Variants in ECI1 observed in about 807,000 individuals in gnomAD.
ECI1 encodes enoyl-CoA delta isomerase 1.
In ECI1, 34 loss-of-function variants were observed where a neutral mutation model predicts 34.2. The ratio of observed to expected loss-of-function variants is 1.00; its 90% CI spans 0.76 to 1.33. The LOEUF (loss-of-function observed/expected upper bound fraction) is 1.33, where lower values mean the gene tolerates loss of function less well. ECI1 is among the 40% of genes most tolerant of loss of function. ECI1 has a pLI of 0.00. For synonymous variants in ECI1, 211 were observed against 193.0 expected, an observed-to-expected ratio of 1.09 and a Z score of -0.77; for missense variants, 456 against 422.2, an observed-to-expected ratio of 1.08 and a Z score of -0.70.
At chr16:2,250,261 C>CAAA (rs560687371) in intron 2 of ECI1, among the ~76,000 whole-genome samples, 8 of 67,628 alleles carry the variant, frequency 1.2e-4, no homozygotes, top group East Asian at 1.0e-3. Flanking sequence ...ACTACATCTC[C>CAAA]AAAAAAAAAA....
intron 3 of ECI1, among the ~76,000 whole-genome samples, chr16:2,245,911 G>C (rs1212322203): frequency 6.6e-6 from 1 of 152,130 alleles, no homozygotes; most frequent in Admixed American, 6.5e-5. Context: ...GTTGTAGTAA[G>C]CCAAGATCAC....
Position 2,244,532 on chromosome 16 carries a change from C to G in ECI1, c.315G>C (p.Ser105=). Residue 105 remains serine, a synonymous_variant, in exon 4 of 7, where the codon TCG becomes TCC. Coordinates refer to ENST00000301729, the MANE Select transcript of ECI1 (RefSeq NM_001919.4). The stretch of plus-strand genomic sequence containing the variant: ...ACATCTCCGTCAGGTCCAGGCCGGC[C>G]GAGAAGACACCCGGGCGGTCCTGCA... The part of the protein sequence containing the change: ...ILTSDRPGVF[S]AGLDLTEMCG... 1 of 1,591,950 alleles carries G rather than the reference C, an allele frequency of 6.3e-7. No individual in the cohort carries two copies. The highest frequency in any genetic ancestry group is 1.3e-5 in the African/African-American group (1 of 74,638).
Position 2,247,606 on chromosome 16 carries a change from C to G in ECI1, c.167-620G>C, listed in dbSNP as rs1415364082. The stretch of plus-strand genomic sequence containing the variant: ...GGGACGGGGTTTTCTCCATGCTGGT[C>G]AGGCTGGTCTTGAACTCCCAACCTC... On this transcript the variant is annotated intron_variant, in intron 2 of 6. Coordinates refer to ENST00000301729, the MANE Select transcript of ECI1 (RefSeq NM_001919.4). 4.6e-5 allele frequency among the ~76,000 whole-genome samples: 7 copies of G among 152,060 alleles called. No homozygotes were observed. The East Asian group carries it at 1.4e-3, about 29-fold the overall frequency.
chr16:2,251,446 G>C lies in ECI1; in HGVS notation c.53-17C>G. ...GCCGGGCCCCTGCGAAGGCAGCGTGGGGGAGCCCGTTAGTTCCCGGTCCTG... is the reference window on the plus strand; with the variant it reads ...GCCGGGCCCCTGCGAAGGCAGCGTGCGGGAGCCCGTTAGTTCCCGGTCCTG... On this transcript the variant is annotated splice_polypyrimidine_tract_variant and intron_variant, in intron 1 of 6. Coordinates refer to ENST00000301729, the MANE Select transcript of ECI1 (RefSeq NM_001919.4). 1 of 1,499,986 alleles carries C rather than the reference G, an allele frequency of 6.7e-7. No individual in the cohort carries two copies. The highest frequency in any genetic ancestry group is 8.9e-7 in the Non-Finnish European group (1 of 1,126,202). The allele number at this position is 1,499,986 out of a possible 1,614,324, so 92.9% of individuals were successfully genotyped here.
rs753200847 is a variant in ECI1 at position 2,243,232 on chromosome 16, T to C, written c.564-8A>G. The C allele has an allele frequency of 1.2e-6, 2 of 1,612,690 alleles. No individual in the cohort carries two copies. The highest frequency in any genetic ancestry group is 1.7e-4 in the Middle Eastern group (1 of 6,052). ...TCCAGGGTGTCTTTCAACCTGGAAA[T>C]GCAGACACCCACTCACCACATGGCC... On this transcript the variant is annotated splice_region_variant and splice_polypyrimidine_tract_variant and intron_variant, in intron 5 of 6. Transcript: ENST00000301729.
chr16:2,250,622 G>C (rs1308443147), intron 2 of ECI1, among the ~76,000 whole-genome samples: 2 of 152,226 alleles, frequency 1.3e-5, no homozygotes, highest in African/African-American at 4.8e-5. Context: ...TGGAGGGAGC[G>C]CACAGGCTTC....
At position 2,239,913 on chromosome 16, in the gene ECI1, C is replaced by T. The variant is rs2141492476; in HGVS notation, c.*66G>A. The T allele has an allele frequency of 2.6e-6, 4 of 1,531,764 alleles. No homozygotes were observed. Among genetic ancestry groups the T allele is most frequent in the Admixed American group, 1.7e-5 (1 of 59,846 alleles). 94.9% of individuals were successfully genotyped at this position (1,531,764 alleles called of 1,614,324 possible). ...GCAGTACTTTTAAGTTGAAAAATAC[C>T]TTGTTTAAGACCTCCCTGGGACCCA... On this transcript the variant is annotated 3_prime_UTR_variant, in exon 7 of 7. Coordinates refer to ENST00000301729, the MANE Select transcript of ECI1 (RefSeq NM_001919.4).
At position 2,251,514 on chromosome 16, in the gene ECI1, C is replaced by T. The variant is rs1344023367; in HGVS notation, c.52+1G>A. The T allele has an allele frequency of 5.1e-6, 8 of 1,559,562 alleles. No homozygotes were observed. Among genetic ancestry groups the T allele is most frequent in the Non-Finnish European group, 5.2e-6 (6 of 1,153,742 alleles). ...ATCCCTGCCCACCCCGGGTTTCGCA[C>T]CCGCGCGGAGCAGAACGCGCGCCGG... is the stretch of plus-strand genomic sequence containing the variant. On this transcript the variant is annotated splice_donor_variant, in intron 1 of 6. Transcript: ENST00000301729. LOFTEE classifies it high-confidence loss of function.
chr16:2,244,182 T>C, intron 4 of ECI1: 1 of 601,526 alleles, frequency 1.7e-6, no homozygotes, highest in South Asian at 1.9e-5. Context: ...CACTGGCTCT[T>C]TTCTGGGTCT....
At chr16:2,241,475 T>C (rs937302402) in intron 6 of ECI1, among the ~76,000 whole-genome samples, 2 of 152,050 alleles carry the variant, frequency 1.3e-5, no homozygotes, top group Non-Finnish European at 2.9e-5. Flanking sequence ...TTTTGTATTT[T>C]TAGTAGAGAC....
In ECI1 at chr16:2,240,588, C is replaced by T. The variant is rs1596782592; in HGVS notation, c.743-443G>A. On this transcript the variant is annotated intron_variant, in intron 6 of 6. Coordinates refer to ENST00000301729, the MANE Select transcript of ECI1 (RefSeq NM_001919.4). ...GCCCATACTGGAGTGCACTAGTGAT[C>T]ACGACTCACTGCAGCCTTGAATCCC... 1.5e-5 allele frequency: 3 copies of T among 203,048 alleles called. No homozygotes were observed. In the East Asian group the frequency reaches 3.6e-4, roughly 24 times the overall value. 12.6% of individuals were successfully genotyped at this position (203,048 alleles called of 1,614,324 possible).
In ECI1 at chr16:2,240,021, G is replaced by A; in HGVS notation, c.867C>T (p.Ser289=). The change falls in exon 7 of 7, where the codon TCC becomes TCT. Residue 289 remains serine, a synonymous_variant. Coordinates refer to ENST00000301729, the MANE Select transcript of ECI1 (RefSeq NM_001919.4). ...TGAGCCTCTCTAAGTACATCTGCAG[G>A]GACTTCTGGATGGAGTCTTTGGAGA... The part of the protein sequence containing the change: ...SFISKDSIQK[S]LQMYLERLKE... 1 of 1,613,966 alleles carries A rather than the reference G, an allele frequency of 6.2e-7. No individual in the cohort carries two copies. The highest frequency in any genetic ancestry group is 1.7e-5 in the Admixed American group (1 of 60,018).
At position 2,243,120 on chromosome 16, in the gene ECI1, A is replaced by G; in HGVS notation, c.668T>C (p.Val223Ala). 1 of 1,606,336 alleles carries G rather than the reference A, an allele frequency of 6.2e-7. No homozygotes were observed. The change falls in exon 6 of 7, where the codon GTG (valine) becomes GCG (alanine). Residue 223 changes from valine (V) to alanine (A), a missense_variant. Physicochemically the swap from Val to Ala is moderately conservative, Grantham distance 64. Coordinates refer to ENST00000301729, the MANE Select transcript of ECI1 (RefSeq NM_001919.4). ...CTGCTCCTCCGGGACCACCTGGTCC[A>G]CTATGCCCACCTGCAGGGCCTCCGC... ...PPAEALQVGI[V>A]DQVVPEEQVQ...
At chr16:2,245,032 C>G (rs1038731783) in intron 3 of ECI1, among the ~76,000 whole-genome samples, 2 of 152,142 alleles carry the variant, frequency 1.3e-5, no homozygotes, top group Non-Finnish European at 2.9e-5. Flanking sequence ...CAGCAGCTAC[C>G]AAGGAAGGGC....
rs777908966 is a variant in ECI1 at position 2,251,516 on chromosome 16, C to T, written c.51G>A (p.Ala17=). 48 of 1,559,586 alleles carry T rather than the reference C, an allele frequency of 3.1e-5. No homozygotes were observed. Among genetic ancestry groups the T allele is most frequent in the South Asian group, 2.2e-4 (19 of 84,640 alleles). ...CCCTGCCCACCCCGGGTTTCGCACC[C>T]GCGCGGAGCAGAACGCGCGCCGGGA... ...VRVPARVLLR[A]GARLPGAALG... The change falls in exon 1 of 7, where the codon GCG becomes GCA. Residue 17 remains alanine, a splice_region_variant and synonymous_variant. Transcript: ENST00000301729.
At position 2,239,988 on chromosome 16, in the gene ECI1, T is replaced by C. The variant is rs2141492646; in HGVS notation, c.900A>G (p.Glu300=). 6.2e-7 allele frequency: 1 copy of C among 1,613,700 alleles called. No homozygotes were observed. The highest frequency in any genetic ancestry group is 8.5e-7 in the Non-Finnish European group (1 of 1,179,946). Residue 300 remains glutamate, a synonymous_variant, in exon 7 of 7, where the codon GAA becomes GAG. Transcript: ENST00000301729. The part of the protein sequence containing the change: ...LQMYLERLKE[E]KG ...TGTGGCAGCCCAATCGTTAGCCTTT[T>C]TCTTCTTTGAGCCTCTCTAAGTACA... is the stretch of plus-strand genomic sequence containing the variant.
At chr16:2,240,253 C>G (rs1349163807) in intron 6 of ECI1, 108 bp from the exon 7 acceptor site, 6 of 1,296,246 alleles carry the variant, frequency 4.6e-6, no homozygotes, top group Non-Finnish European at 1.1e-6. Flanking sequence ...GCTCTGTCGC[C>G]CAGGCTGGAG....
intron 6 of ECI1, 134 bp from the exon 7 acceptor site, chr16:2,240,279 T>C (rs1042552765): frequency 9.5e-6 from 9 of 946,482 alleles, no homozygotes; most frequent in African/African-American, 8.2e-5. Flanking sequence ...TGGTGGGATC[T>C]TGGCTCACTG....
chr16:2,240,250 C>T (rs1381511705), intron 6 of ECI1, 105 bp from the exon 7 acceptor site: 13 of 1,314,480 alleles, frequency 9.9e-6, no homozygotes, highest in East Asian at 5.1e-5. Flanking sequence ...CTTGCTCTGT[C>T]GCCCAGGCTG....
Sources: gnomAD v4.1 joint callset for allele counts (sites outside exome capture counted in the v4.1 genomes callset) on GRCh38, gnomAD v4.1.1 for gene constraint, MANE v1.5 for transcripts, NCBI Gene and HGNC (gene_info 2026-07-23, HGNC 2026-07-21) for gene names.